CNTN6: variants seen among roughly 807,000 people sequenced by gnomAD.
CNTN6 encodes contactin 6.
A neutral mutation model predicts 122.8 loss-of-function variants in CNTN6; 137 were observed. That is an observed-to-expected ratio of 1.12 (90% confidence interval 0.97 to 1.29). The LOEUF (loss-of-function observed/expected upper bound fraction) is 1.29. CNTN6 is among the 50% of genes most tolerant of loss of function. The pLI, the probability that CNTN6 is intolerant of heterozygous loss-of-function variation, is 0.00. For missense variants in CNTN6, 1,634 were observed against 1,223.4 expected (o/e 1.34, Z -5.01); for synonymous variants, 570 against 426.0 (o/e 1.34, Z -4.16).
intron 21 of CNTN6, 28 bp from the exon 22 acceptor site, chr3:1,402,290 T>A: frequency 6.3e-7 from 1 of 1,586,244 alleles, no homozygotes; most frequent in Non-Finnish European, 8.6e-7. Flanking sequence ...AACATGTCCA[T>A]GTTAACTTGA....
chr3:1,369,803 T>C (rs68047847), intron 12 of CNTN6, among the ~76,000 whole-genome samples: 14,927 of 151,740 alleles, frequency 0.098, 929 homozygotes, highest in Middle Eastern at 0.15. Flanking sequence ...AAAAGGAAAA[T>C]ATTTTCTCTA....
chr3:1,329,198 T>C (rs1701945040), intron 10 of CNTN6, among the ~76,000 whole-genome samples: 2 of 151,438 alleles, frequency 1.3e-5, no homozygotes, highest in Middle Eastern at 3.4e-3. Context: ...CATATATACA[T>C]GTATGCATAT....
chr3:1,253,785 C>T (rs2094709152), intron 4 of CNTN6, among the ~76,000 whole-genome samples: 1 of 152,158 alleles, frequency 6.6e-6, no homozygotes, highest in Non-Finnish European at 1.5e-5. Context: ...CTGCCACTCA[C>T]CTCACCTCCT....
chr3:1,333,396 C>T (rs1702596942), intron 11 of CNTN6, among the ~76,000 whole-genome samples: 1 of 152,036 alleles, frequency 6.6e-6, no homozygotes, highest in Admixed American at 6.6e-5. Flanking sequence ...CTGATTATTT[C>T]ACTCAAATAG....
intron 1 of CNTN6, among the ~76,000 whole-genome samples, chr3:1,094,751 G>A (rs2090431654): frequency 6.6e-6 from 1 of 151,308 alleles, no homozygotes; most frequent in African/African-American, 2.4e-5. Context: ...TAAATTGATT[G>A]CATACTTCTG....
At chr3:1,188,959 C>G (rs1028047492) in intron 2 of CNTN6, among the ~76,000 whole-genome samples, 5 of 152,102 alleles carry the variant, frequency 3.3e-5, no homozygotes, top group Admixed American at 1.3e-4. Context: ...TGATTGGTAA[C>G]ACAGACCTGG....
At chr3:1,322,619 A>T (rs1701015437) in intron 8 of CNTN6, among the ~76,000 whole-genome samples, 1 of 151,552 alleles carries the variant, frequency 6.6e-6, no homozygotes, top group Non-Finnish European at 1.5e-5. Context: ...TAAAGTAATT[A>T]GAGAAAATAT....
At chr3:1,365,131 A>C (rs2126116495) in intron 12 of CNTN6, among the ~76,000 whole-genome samples, 1 of 152,150 alleles carries the variant, frequency 6.6e-6, no homozygotes, top group African/African-American at 2.4e-5. Context: ...TAGAGGTGAT[A>C]GTATAAGAAA....
intron 2 of CNTN6, among the ~76,000 whole-genome samples, chr3:1,214,827 G>T (rs988408424): frequency 3.3e-5 from 5 of 152,232 alleles, no homozygotes; most frequent in Admixed American, 2.0e-4. Context: ...TGTGATCATA[G>T]TTCACTGCAG....
At chr3:1,382,072 G>A (rs1691977671) in intron 17 of CNTN6, among the ~76,000 whole-genome samples, 1 of 151,622 alleles carries the variant, frequency 6.6e-6, no homozygotes, top group South Asian at 2.1e-4. Context: ...GTCCTGTCAG[G>A]TGTTGCCTTT....
intron 4 of CNTN6, among the ~76,000 whole-genome samples, chr3:1,244,163 T>A (rs992577564): frequency 2.0e-5 from 3 of 152,068 alleles, no homozygotes; most frequent in South Asian, 2.1e-4. Context: ...GGTGTTTAGG[T>A]TTTAGGTCAG....
chr3:1,144,815 C>T (rs2092690306), intron 1 of CNTN6, among the ~76,000 whole-genome samples: 1 of 152,046 alleles, frequency 6.6e-6, no homozygotes, highest in Non-Finnish European at 1.5e-5. Context: ...CAGAACTCTG[C>T]TTCTTACAGC....
chr3:1,256,308 G>A (rs2094757861), intron 4 of CNTN6, among the ~76,000 whole-genome samples: 1 of 152,120 alleles, frequency 6.6e-6, no homozygotes. Flanking sequence ...TGGGTGAGAG[G>A]TAGCAATGGA....
At chr3:1,260,577 T>A (rs2094829049) in intron 4 of CNTN6, among the ~76,000 whole-genome samples, 3 of 152,080 alleles carry the variant, frequency 2.0e-5, no homozygotes, top group Admixed American at 2.0e-4. Context: ...GGTGATTTTA[T>A]AACACATTAT....
intron 12 of CNTN6, among the ~76,000 whole-genome samples, chr3:1,370,362 C>A (rs888239372): frequency 5.3e-5 from 8 of 151,642 alleles, no homozygotes; most frequent in Admixed American, 5.3e-4. Flanking sequence ...GTGTGGGGAG[C>A]GGGGAGGGAT....
intron 6 of CNTN6, among the ~76,000 whole-genome samples, 157 bp from the exon 7 acceptor site, chr3:1,297,732 A>C (rs569758888): frequency 6.6e-6 from 1 of 151,392 alleles, no homozygotes; most frequent in African/African-American, 2.4e-5. Context: ...TTTTTTGAAA[A>C]CACAGAAGCA....
At chr3:1,209,441 AG>A (rs1158763827) in intron 2 of CNTN6, among the ~76,000 whole-genome samples, 6 of 152,184 alleles carry the variant, frequency 3.9e-5, no homozygotes, top group African/African-American at 1.4e-4. Flanking sequence ...CTAGAGTAAG[AG>A]GCCACTGAGT....
At chr3:1,094,889 T>C (rs1369825778) in intron 1 of CNTN6, among the ~76,000 whole-genome samples, 8 of 151,562 alleles carry the variant, frequency 5.3e-5, no homozygotes. Flanking sequence ...TTTAATAACA[T>C]ATTAATTGGA....
At position 1,325,893 on chromosome 3, in the gene CNTN6, G is replaced by A. The variant is rs777895141; in HGVS notation, c.1025G>A (p.Ser342Asn). 1 of 1,611,856 alleles carries A rather than the reference G, an allele frequency of 6.2e-7. No individual in the cohort carries two copies. The highest frequency in any genetic ancestry group is 8.5e-7 in the Non-Finnish European group (1 of 1,178,652). ...AACTTGCTCTGGGAATGTAAAGCTAGTGGAAAGCCAAACCCTTGGTATACA... is the reference window on the plus strand; with the variant it reads ...AACTTGCTCTGGGAATGTAAAGCTAATGGAAAGCCAAACCCTTGGTATACA... Reference protein sequence around the residue: ...YDNLLWECKASGKPNPWYTWL... With the variant: ...YDNLLWECKANGKPNPWYTWL... Residue 342 changes from serine to asparagine, a missense_variant, in exon 9 of 23, where the codon AGT becomes AAT. Physicochemically the swap from Ser to Asn is conservative, Grantham distance 46 (BLOSUM62 1). Coordinates refer to ENST00000446702, the MANE Select transcript of CNTN6 (RefSeq NM_001289080.2).
Sources: gnomAD v4.1 joint callset for allele counts (sites outside exome capture counted in the v4.1 genomes callset) on GRCh38, gnomAD v4.1.1 for gene constraint, MANE v1.5 for transcripts, NCBI Gene and HGNC (gene_info 2026-07-23, HGNC 2026-07-21) for gene names.